RBFOX3: variants seen among roughly 807,000 people sequenced by gnomAD.
RBFOX3 encodes the protein RNA binding fox-1 homolog 3, also known as RNA binding protein fox-1 homolog 3.
A neutral mutation model predicts 48.7 loss-of-function variants in RBFOX3; 17 were observed. The ratio of observed to expected loss-of-function variants is 0.35; its 90% CI spans 0.24 to 0.52. RBFOX3 has a LOEUF of 0.52. RBFOX3 is among the 20% of genes least tolerant of loss of function. The pLI, the probability that RBFOX3 is intolerant of heterozygous loss-of-function variation, is 0.94. For synonymous variants in RBFOX3, 212 were observed against 209.5 expected (o/e 1.01, Z -0.10); for missense variants, 382 against 497.5 (o/e 0.77, Z 2.21).
At chr17:79,106,900 C>T (rs1480534824) in intron 5 of RBFOX3, 112 bp from the exon 6 acceptor site, 39 of 1,340,650 alleles carry the variant, frequency 2.9e-5, no homozygotes, top group Middle Eastern at 2.4e-4. Context: ...CCCTTCTGGG[C>T]CTCTCCCCCA....
intron 4 of RBFOX3, chr17:79,233,510 C>T (rs2061275685): frequency 6.6e-6 from 1 of 152,066 alleles, no homozygotes; most frequent in African/African-American, 2.4e-5. Flanking sequence ...TATCATACCC[C>T]CAATGTACTT....
intron 3 of RBFOX3, among the ~76,000 whole-genome samples, chr17:79,293,790 G>T (rs372875641): frequency 6.6e-6 from 1 of 152,170 alleles, no homozygotes; most frequent in African/African-American, 2.4e-5. Context: ...TGCTTTGGGG[G>T]CTGACAGATA....
intron 4 of RBFOX3, among the ~76,000 whole-genome samples, chr17:79,172,936 A>G (rs1014212401): frequency 6.6e-6 from 1 of 152,172 alleles, no homozygotes; most frequent in South Asian, 2.1e-4. Context: ...CAGACGGGTG[A>G]GGTGGCTCAT....
chr17:79,498,705 T>A (rs1389883453), intron 1 of RBFOX3, among the ~76,000 whole-genome samples: 2 of 139,662 alleles, frequency 1.4e-5, no homozygotes, highest in African/African-American at 2.7e-5. Context: ...CACCTACTCA[T>A]GCAGCCATCC....
intron 2 of RBFOX3, among the ~76,000 whole-genome samples, chr17:79,355,432 AG>A (rs2084792100): frequency 6.6e-6 from 1 of 152,154 alleles, no homozygotes; most frequent in African/African-American, 2.4e-5. Context: ...CTTGTACCCA[AG>A]CCAAGTGGCC....
Position 79,425,357 on chromosome 17 carries a change from C to T in RBFOX3, c.-175+57097G>A, listed in dbSNP as rs533980047. Among the ~76,000 whole-genome samples the T allele has an allele frequency of 5.9e-5, 9 of 152,026 alleles. No homozygotes were observed. In the South Asian group the frequency reaches 1.7e-3, roughly 28 times the overall value. ...GGAGGGCCTGGGGGGGCTTGTGTGG[C>T]CCCAGTGCTCACTGGGAACCCACAG... On this transcript the variant is annotated intron_variant, in intron 2 of 14. Coordinates refer to ENST00000693108, the MANE Select transcript of RBFOX3 (RefSeq NM_001350451.2).
chr17:79,409,162 C>T (rs1170940936), intron 2 of RBFOX3, among the ~76,000 whole-genome samples: 2 of 152,248 alleles, frequency 1.3e-5, no homozygotes, highest in African/African-American at 4.8e-5. Flanking sequence ...GTCCACGTGG[C>T]AGTCTGTATC....
At chr17:79,338,482 C>T (rs1254906318) in intron 2 of RBFOX3, among the ~76,000 whole-genome samples, 1 of 152,178 alleles carries the variant, frequency 6.6e-6, no homozygotes, top group Non-Finnish European at 1.5e-5. Flanking sequence ...GGAAGAGTCC[C>T]TGTGAAACAG....
At chr17:79,571,815 C>G (rs1335356608) in intron 1 of RBFOX3, among the ~76,000 whole-genome samples, 1 of 152,068 alleles carries the variant, frequency 6.6e-6, no homozygotes, top group African/African-American at 2.4e-5. Context: ...AAGGATCCCT[C>G]AAGGAGGGAA....
intron 4 of RBFOX3, among the ~76,000 whole-genome samples, chr17:79,152,015 C>T (rs113805208): frequency 0.62 from 59,270 of 96,048 alleles, 21,602 homozygotes; most frequent in Non-Finnish European, 0.67. Flanking sequence ...CAGGGGAGAA[C>T]GCTAAGAAAT....
At chr17:79,261,110 A>G (rs2065689864) in intron 3 of RBFOX3, among the ~76,000 whole-genome samples, 1 of 149,822 alleles carries the variant, frequency 6.7e-6, no homozygotes, top group Non-Finnish European at 1.5e-5. Context: ...ATACCCCTAC[A>G]CCCCTCCAGT....
chr17:79,477,493 T>C lies in RBFOX3; in HGVS notation c.-175+4961A>G. On this transcript the variant is annotated intron_variant, in intron 2 of 14. Transcript: ENST00000693108. This position sits in a 1 kb window ranked among gnomAD's most constrained non-coding sequence, Gnocchi z 4.8. ...ATGGCGTGAACCCGGGAGGCGGAGTTTGCAGTGAGCTGAGATCGCCCCATC... is the reference window on the plus strand; with the variant it reads ...ATGGCGTGAACCCGGGAGGCGGAGTCTGCAGTGAGCTGAGATCGCCCCATC... 6.6e-6 allele frequency among the ~76,000 whole-genome samples: 1 copy of C among 151,740 alleles called. No homozygotes were observed. Among genetic ancestry groups the C allele is most frequent in the South Asian group, 2.1e-4 (1 of 4,806 alleles).
the RBFOX3 span, among the ~76,000 whole-genome samples, chr17:79,622,657 G>A: frequency 6.6e-6 from 1 of 152,150 alleles, no homozygotes; most frequent in Non-Finnish European, 1.5e-5. Context: ...CATGTGGCCT[G>A]CATTCTACAT....
chr17:79,271,987 A>G (rs1202293501), intron 3 of RBFOX3, among the ~76,000 whole-genome samples: 1 of 152,246 alleles, frequency 6.6e-6, no homozygotes, highest in East Asian at 1.9e-4. Flanking sequence ...TTCCCGCGGA[A>G]TATATGTCCT....
At chr17:79,355,901 T>A (rs530221371) in intron 2 of RBFOX3, among the ~76,000 whole-genome samples, 1 of 152,344 alleles carries the variant, frequency 6.6e-6, no homozygotes, top group South Asian at 2.1e-4. Context: ...TTAGAAATTA[T>A]GTTTCTTGTA....
At chr17:79,287,816 C>A (rs545440149) in intron 3 of RBFOX3, among the ~76,000 whole-genome samples, 112 of 152,318 alleles carry the variant, frequency 7.4e-4, no homozygotes, top group Middle Eastern at 3.4e-3. Context: ...CCTGTGCTGA[C>A]CGCCTGGCCT....
chr17:79,485,391 T>C (rs928584518), intron 1 of RBFOX3, among the ~76,000 whole-genome samples: 1 of 151,968 alleles, frequency 6.6e-6, no homozygotes, highest in Non-Finnish European at 1.5e-5. Context: ...GGGGAGGAAT[T>C]AGAGGGAGCA....
At chr17:79,104,493 C>T (rs898070646) in intron 6 of RBFOX3, among the ~76,000 whole-genome samples, 2 of 152,142 alleles carry the variant, frequency 1.3e-5, no homozygotes, top group Admixed American at 1.3e-4. Context: ...GGGGTAGGCA[C>T]ATCACCAGTG....
chr17:79,420,128 T>TACACACACATACACACAC (rs2066027682), intron 2 of RBFOX3, among the ~76,000 whole-genome samples: 1 of 114,274 alleles, frequency 8.8e-6, no homozygotes. Context: ...CTCCGTCTCA[T>TACACACACATACACACAC]ACACACACAC....
Sources: gnomAD v4.1 joint callset for allele counts (sites outside exome capture counted in the v4.1 genomes callset) on GRCh38, gnomAD v4.1.1 for gene constraint, Gnocchi (gnomAD v3.1) non-coding constraint, MANE v1.5 for transcripts, NCBI Gene and HGNC (gene_info 2026-07-23, HGNC 2026-07-21) for gene names.